Variants in TRPV4 observed in about 807,000 individuals in gnomAD.
TRPV4 encodes transient receptor potential cation channel subfamily V member 4.
TRPV4 carries 58 observed loss-of-function variants against 84.1 expected under a neutral mutation model. That is an observed-to-expected ratio of 0.69 (90% confidence interval 0.56 to 0.86). The LOEUF is 0.86. Ranked by LOEUF, TRPV4 falls within the 40% of genes least tolerant of loss-of-function variation. The pLI is 0.00. For missense variants in TRPV4, 879 were observed against 1,181.1 expected (o/e 0.74, Z 3.75); for synonymous variants, 489 against 500.9 (o/e 0.98, Z 0.32).
At chr12:109,822,359 A>G (rs1168746644) in intron 1 of TRPV4, among the ~76,000 whole-genome samples, 1 of 152,184 alleles carries the variant, frequency 6.6e-6, no homozygotes, top group African/African-American at 2.4e-5. Flanking sequence ...GGTACCCTCA[A>G]ATAAACACAA....
chr12:109,806,247 T>C (rs1274296719), intron 3 of TRPV4, among the ~76,000 whole-genome samples: 2 of 151,650 alleles, frequency 1.3e-5, no homozygotes, highest in Admixed American at 1.3e-4. Context: ...CAGGCTGGAG[T>C]GCAGTGGTGC....
chr12:109,821,444 T>C (rs1172418470), intron 1 of TRPV4, among the ~76,000 whole-genome samples: 2 of 152,192 alleles, frequency 1.3e-5, no homozygotes, highest in Non-Finnish European at 2.9e-5. Context: ...GCACTTCCTC[T>C]GAAAAGCCCT....
intron 1 of TRPV4, among the ~76,000 whole-genome samples, chr12:109,816,658 G>T (rs7133710): frequency 0.015 from 2,352 of 152,282 alleles, 66 homozygotes; most frequent in African/African-American, 0.054. Flanking sequence ...CGTGACTGTA[G>T]TCCCAGCTAC....
Position 109,794,334 on chromosome 12 carries a change from C to T in TRPV4, c.1486G>A (p.Gly496Ser). Residue 496 changes from glycine to serine, a missense_variant, in exon 8 of 16, where the codon GGC becomes AGC. By Grantham distance (56) the Gly-to-Ser change is moderately conservative. Coordinates refer to ENST00000261740, the MANE Select transcript of TRPV4 (RefSeq NM_021625.5). ...CCCGGTCCCCGGGCACTCACTGTGC[C>T]CTCCAGCGGCTGGTAGTAGGCGGTG... is the stretch of plus-strand genomic sequence containing the variant. ...TLTAYYQPLEGTPPYPYRTTV... is the reference protein window; with the variant it reads ...TLTAYYQPLESTPPYPYRTTV... 1 of 1,612,008 alleles carries T rather than the reference C, an allele frequency of 6.2e-7. No individual in the cohort carries two copies. Among genetic ancestry groups the T allele is most frequent in the African/African-American group, 1.3e-5 (1 of 75,058 alleles).
rs1592853358 is a variant in TRPV4, at chr12:109,808,386, T to A, written c.469A>T (p.Ile157Phe). Residue 157 changes from isoleucine (I) to phenylalanine (F), a missense_variant, in exon 3 of 16, where the codon ATC (isoleucine) becomes TTC (phenylalanine). Coordinates refer to ENST00000261740, the MANE Select transcript of TRPV4 (RefSeq NM_021625.5). ...TCAGCAGTGGAGCCCCGGGACACGA[T>A]GTCAAAGAGGATAGGCCGGTTGAAG... The part of the protein sequence containing the change: ...KVFNRPILFD[I>F]VSRGSTADLD... 1 of 1,614,000 alleles carries A rather than the reference T, an allele frequency of 6.2e-7. No individual in the cohort carries two copies. The highest frequency in any genetic ancestry group is 8.5e-7 in the Non-Finnish European group (1 of 1,180,016).
chr12:109,830,946 T>G (rs1892392551), intron 1 of TRPV4, among the ~76,000 whole-genome samples: 1 of 152,206 alleles, frequency 6.6e-6, no homozygotes, highest in Non-Finnish European at 1.5e-5. Flanking sequence ...CGCTCTCCAC[T>G]CAGAGCTTGG....
Position 109,798,780 on chromosome 12 carries a change from A to G in TRPV4, c.986T>C (p.Val329Ala), listed in dbSNP as rs1239719080. Residue 329 changes from valine (V) to alanine (A), a missense_variant, in exon 6 of 16, where the codon GTG becomes GCG. Physicochemically the swap from Val to Ala is moderately conservative, Grantham distance 64. Around this residue, in one of 4 missense-constraint regions of TRPV4, gnomAD observed 521 missense variants for 686.6 expected, o/e 0.76. Transcript: ENST00000261740. The surrounding 1 kb of genome is among the most constrained non-coding windows in gnomAD (Gnocchi z 5.0). ...SRGNTVLHAL[V>A]AIADNTRENT... ...CTCACGGGTGTTGTCAGCAATGGCCACCAGCGCATGCAGCACTGTGTTGCC... is the reference window on the plus strand; with the variant it reads ...CTCACGGGTGTTGTCAGCAATGGCCGCCAGCGCATGCAGCACTGTGTTGCC... The G allele has an allele frequency of 6.2e-7, 1 of 1,614,202 alleles. No individual in the cohort carries two copies. Among genetic ancestry groups the G allele is most frequent in the Non-Finnish European group, 8.5e-7 (1 of 1,180,046 alleles).
chr12:109,801,963 A>C (rs1890814364), intron 4 of TRPV4, among the ~76,000 whole-genome samples: 1 of 152,082 alleles, frequency 6.6e-6, no homozygotes, highest in Admixed American at 6.6e-5. Context: ...ACAGAATCTC[A>C]ACTGGGGATT....
rs922720575 is a variant in TRPV4, at chr12:109,798,408, C to T, written c.1152+206G>A. ...GAACATCCAGTAGGGTGACATGAGG[C>T]GAGAGGCTCGGGGATGAAGCTAAGG... On this transcript the variant is annotated intron_variant, in intron 6 of 15. Coordinates refer to ENST00000261740, the MANE Select transcript of TRPV4 (RefSeq NM_021625.5). The surrounding 1 kb of genome is among the most constrained non-coding windows in gnomAD (Gnocchi z 5.0). Among the ~76,000 whole-genome samples, 1 of 152,082 alleles carries T rather than the reference C, an allele frequency of 6.6e-6. No individual in the cohort carries two copies. Among genetic ancestry groups the T allele is most frequent in the African/African-American group, 2.4e-5 (1 of 41,388 alleles).
intron 2 of TRPV4, among the ~76,000 whole-genome samples, chr12:109,813,515 GTTTGCATTTGTATAAATGCA>G (rs1020610024): frequency 4.6e-5 from 7 of 152,264 alleles, no homozygotes; most frequent in Non-Finnish European, 5.9e-5. Flanking sequence ...AAATGGCTGA[GTTTGCATTTGTATAAATGCA>G]TTTGCATTTG....
rs1048886468 is a variant in TRPV4, at chr12:109,796,401, A to G, written c.1332+124T>C. The G allele has an allele frequency of 9.0e-7, 1 of 1,115,902 alleles. No homozygotes were observed. Among genetic ancestry groups the G allele is most frequent in the African/African-American group, 1.5e-5 (1 of 64,590 alleles). The allele number at this position is 1,115,902 out of a possible 1,614,324, so 69.1% of individuals were successfully genotyped here. A position where few individuals can be genotyped will look rare whatever the true frequency, so the allele number is the denominator to read the frequency against. On this transcript the variant is annotated intron_variant, in intron 7 of 15. Transcript: ENST00000261740. This position sits in a 1 kb window ranked among gnomAD's most constrained non-coding sequence, Gnocchi z 4.2. ...TGGCACCTTCTCTTGCATTCAGCCA[A>G]CAGACCCACCACGTTGGGTCCTAGA...
In TRPV4 at chr12:109,795,662, T is replaced by C. The variant is rs74443867; in HGVS notation, c.1332+863A>G. Reference sequence around the variant, plus strand: ...ATGGTATGTTTACATGCAGCGACAATATTACCAAAGAATATTTAAAAGTAC... The same window carrying C: ...ATGGTATGTTTACATGCAGCGACAACATTACCAAAGAATATTTAAAAGTAC... On this transcript the variant is annotated intron_variant, in intron 7 of 15. Coordinates refer to ENST00000261740, the MANE Select transcript of TRPV4 (RefSeq NM_021625.5). 5.7e-4 allele frequency among the ~76,000 whole-genome samples: 87 copies of C among 152,230 alleles called. No homozygotes were observed. The East Asian group carries it at 6.8e-3, about 12-fold the overall frequency.
intron 14 of TRPV4, among the ~76,000 whole-genome samples, chr12:109,785,136 T>C (rs1889610655): frequency 1.3e-5 from 2 of 151,982 alleles, no homozygotes; most frequent in South Asian, 2.1e-4. Flanking sequence ...ATCCGCCCAC[T>C]TCAGCCCCCC....
At chr12:109,787,945 C>T (rs1315219291) in intron 13 of TRPV4, among the ~76,000 whole-genome samples, 1 of 152,236 alleles carries the variant, frequency 6.6e-6, no homozygotes, top group Non-Finnish European at 1.5e-5. Context: ...CCCCTGTCCC[C>T]ATTGGTTTCT....
At chr12:109,827,737 TAC>T (rs1180342478) in intron 1 of TRPV4, among the ~76,000 whole-genome samples, 2 of 151,074 alleles carry the variant, frequency 1.3e-5, no homozygotes, top group African/African-American at 2.4e-5. Context: ...TGCACACACA[TAC>T]ACACAGACAT....
intron 3 of TRPV4, among the ~76,000 whole-genome samples, chr12:109,804,155 G>C (rs2136570028): frequency 1.3e-5 from 2 of 152,296 alleles, no homozygotes; most frequent in South Asian, 4.1e-4. Flanking sequence ...TCTCCGTTTG[G>C]TACTAGCGGG....
Position 109,786,778 on chromosome 12 carries a change from G to A in TRPV4, c.2268C>T (p.Phe756=), listed in dbSNP as rs1889713029. Residue 756 remains phenylalanine, a synonymous_variant, in exon 14 of 16, where the codon TTC becomes TTT. Coordinates refer to ENST00000261740, the MANE Select transcript of TRPV4 (RefSeq NM_021625.5). The surrounding 1 kb of genome is among the most constrained non-coding windows in gnomAD (Gnocchi z 4.5). ...RSFPVFLRKA[F]RSGEMVTVGK... ...CCACGGTGACCATCTCCCCAGAGCG[G>A]AAGGCCTTCCTCAGGAATACGGGGA... 1 of 1,613,914 alleles carries A rather than the reference G, an allele frequency of 6.2e-7. No homozygotes were observed. The highest frequency in any genetic ancestry group is 8.5e-7 in the Non-Finnish European group (1 of 1,180,030).
In TRPV4 at chr12:109,795,283, G is replaced by A. The variant is rs577384438; in HGVS notation, c.1333-796C>T. On this transcript the variant is annotated intron_variant, in intron 7 of 15. Coordinates refer to ENST00000261740, the MANE Select transcript of TRPV4 (RefSeq NM_021625.5). ...CACAATTGTATTCATACAGTTCCCT[G>A]GGTAGACACTACTAATCAATCAGTT... 5.3e-5 allele frequency among the ~76,000 whole-genome samples: 8 copies of A among 152,282 alleles called. No homozygotes were observed. The South Asian group carries it at 1.7e-3, about 32-fold the overall frequency.
intron 2 of TRPV4, among the ~76,000 whole-genome samples, chr12:109,812,714 A>G (rs909949586): frequency 6.6e-6 from 1 of 152,232 alleles, no homozygotes; most frequent in South Asian, 2.1e-4. Context: ...ATGAATGAAT[A>G]AATGAATGAA....
Sources: gnomAD v4.1 joint callset for allele counts (sites outside exome capture counted in the v4.1 genomes callset) on GRCh38, gnomAD v4.1.1 for gene constraint, gnomAD v4.1.1 regional missense constraint, Gnocchi (gnomAD v3.1) non-coding constraint, MANE v1.5 for transcripts, NCBI Gene and HGNC (gene_info 2026-07-23, HGNC 2026-07-21) for gene names.